Variants in CNTRL observed in about 807,000 individuals in gnomAD.
CNTRL encodes the protein centriolin.
Under a neutral mutation model 303.7 loss-of-function variants are expected in CNTRL, and 233 were observed. That is an observed-to-expected ratio of 0.77 (90% confidence interval 0.69 to 0.86). CNTRL has a LOEUF of 0.86. Among genes scored for constraint, CNTRL ranks in the 40% least tolerant of loss-of-function variants. The pLI is 0.00. For missense variants in CNTRL, 2,524 were observed against 2,650.6 expected (o/e 0.95, Z 1.05); for synonymous variants, 900 against 922.2 (o/e 0.98, Z 0.44).
intron 41 of CNTRL, 63 bp from the exon 42 acceptor site, chr9:121,173,612 C>G: frequency 1.9e-6 from 3 of 1,610,218 alleles, no homozygotes. Flanking sequence ...GAGGGAAAGG[C>G]TGGTTGGCTT....
intron 29 of CNTRL, 21 bp downstream of exon 29, chr9:121,157,901 G>C (rs1228757075): frequency 6.2e-7 from 1 of 1,613,622 alleles, no homozygotes; most frequent in Non-Finnish European, 8.5e-7. Flanking sequence ...CCTCTGTAGG[G>C]CTACAAGGGG....
chr9:121,162,233 A>T lies in CNTRL; in HGVS notation c.5385A>T (p.Lys1795Asn), dbSNP rs1344562022. 6.2e-7 allele frequency: 1 copy of T among 1,614,030 alleles called. No individual in the cohort carries two copies. The highest frequency in any genetic ancestry group is 8.5e-7 in the Non-Finnish European group (1 of 1,180,034). ...LSKEKEDLQE[K>N]CDIWEKKLAQ... ...AAGAAAAGGAAGATCTCCAAGAGAA[A>T]TGTGACATTTGGGAAAAAAAGTTGG... Residue 1795 changes from lysine (K) to asparagine (N), a missense_variant, in exon 34 of 44, where the codon AAA becomes AAT. Transcript: ENST00000373855.
chr9:121,144,212 T>A, intron 20 of CNTRL, 130 bp downstream of exon 20: 1 of 786,594 alleles, frequency 1.3e-6, no homozygotes, highest in Non-Finnish European at 2.0e-6. Flanking sequence ...CTGTTTTTCT[T>A]AAGACCTAAA....
chr9:121,103,641 A>ATC (rs2049299162), intron 7 of CNTRL, among the ~76,000 whole-genome samples: 1 of 152,248 alleles, frequency 6.6e-6, no homozygotes, highest in Admixed American at 6.5e-5. Flanking sequence ...AATTTTTGCA[A>ATC]TGCACCCATC....
chr9:121,168,457 T>C (rs887710742), intron 38 of CNTRL, 136 bp downstream of exon 38: 104 of 676,168 alleles, frequency 1.5e-4, no homozygotes, highest in Non-Finnish European at 1.0e-4. Flanking sequence ...GCAGGAGGTA[T>C]GATAGCCCTG....
intron 12 of CNTRL, among the ~76,000 whole-genome samples, chr9:121,123,037 C>T (rs1447132443): frequency 6.6e-6 from 1 of 152,096 alleles, no homozygotes; most frequent in Admixed American, 6.5e-5. Flanking sequence ...AGTATTTTAT[C>T]TATTTCATAC....
At chr9:121,154,688 C>A (rs1321169222) in intron 26 of CNTRL, 33 bp from the exon 27 acceptor site, 2 of 1,344,722 alleles carry the variant, frequency 1.5e-6, no homozygotes, top group Non-Finnish European at 2.1e-6. Context: ...CTACATTTAA[C>A]ATTTTTTAAT....
In CNTRL at chr9:121,096,571, A is replaced by G; in HGVS notation, c.621+8A>G. ...GGCAACAAGATATCATCGGTAAGTT[A>G]TTCAAAATAGCAGGAATTTTTAGAC... On this transcript the variant is annotated splice_region_variant and intron_variant, in intron 6 of 43. Transcript: ENST00000373855. 1 of 1,423,252 alleles carries G rather than the reference A, an allele frequency of 7.0e-7. No individual in the cohort carries two copies. Among genetic ancestry groups the G allele is most frequent in the Non-Finnish European group, 9.3e-7 (1 of 1,075,776 alleles). The allele number at this position is 1,423,252 out of a possible 1,614,324, so 88.2% of individuals were successfully genotyped here.
chr9:121,152,663 A>G lies in CNTRL; in HGVS notation c.4142A>G (p.His1381Arg). Residue 1381 changes from histidine to arginine, a missense_variant, in exon 26 of 44, where the codon CAT becomes CGT. By Grantham distance (29) the His-to-Arg change is conservative. Transcript: ENST00000373855. ...KSLECEVEEL[H>R]RTVQKRQQQK... is the part of the protein sequence containing the mutation. ...TTAGAGTGTGAAGTAGAAGAATTAC[A>G]TAGAACTGTCCAGAAACGTCAACAG... 6.2e-7 allele frequency: 1 copy of G among 1,613,680 alleles called. No individual in the cohort carries two copies. The highest frequency in any genetic ancestry group is 8.5e-7 in the Non-Finnish European group (1 of 1,179,628).
chr9:121,138,670 A>G lies in CNTRL; in HGVS notation c.2328A>G (p.Lys776=), dbSNP rs1564258375. 1 of 1,613,540 alleles carries G rather than the reference A, an allele frequency of 6.2e-7. No individual in the cohort carries two copies. Residue 776 remains lysine, a synonymous_variant, in exon 16 of 44, where the codon AAA becomes AAG. Coordinates refer to ENST00000373855, the MANE Select transcript of CNTRL (RefSeq NM_007018.6). ...QENSELHAKL[K]HLQDDNNLLK... ...ACAGTGAGCTCCATGCAAAACTTAAACACTTGCAGGTAGAGATTTGTTGTT... is the reference window on the plus strand; with the variant it reads ...ACAGTGAGCTCCATGCAAAACTTAAGCACTTGCAGGTAGAGATTTGTTGTT...
At chr9:121,092,313 G>A (rs2048613277) in intron 4 of CNTRL, among the ~76,000 whole-genome samples, 1 of 143,220 alleles carries the variant, frequency 7.0e-6, no homozygotes, top group Non-Finnish European at 1.5e-5. Context: ...TTACTGCCTG[G>A]TGCTAAATAA....
chr9:121,165,403 C>T (rs1055634196), intron 35 of CNTRL, among the ~76,000 whole-genome samples: 17 of 152,102 alleles, frequency 1.1e-4, no homozygotes, highest in African/African-American at 4.1e-4. Flanking sequence ...CCTCACTCCT[C>T]ATAGATTCCT....
chr9:121,166,261 G>A, intron 36 of CNTRL, 81 bp downstream of exon 36: 1 of 966,188 alleles, frequency 1.0e-6, no homozygotes, highest in Non-Finnish European at 1.6e-6. Context: ...AAATCAAGTA[G>A]GCTGGTTCCT....
intron 14 of CNTRL, among the ~76,000 whole-genome samples, chr9:121,126,345 CAT>C (rs1217003319): frequency 1.3e-5 from 2 of 152,144 alleles, no homozygotes; most frequent in Non-Finnish European, 2.9e-5. Context: ...ACAAAACAGA[CAT>C]ATTGTTTTAA....
In CNTRL at chr9:121,141,507, A is replaced by G; in HGVS notation, c.2610A>G (p.Glu870=). 6.2e-7 allele frequency: 1 copy of G among 1,614,188 alleles called. No individual in the cohort carries two copies. Among genetic ancestry groups the G allele is most frequent in the Non-Finnish European group, 8.5e-7 (1 of 1,180,020 alleles). The stretch of plus-strand genomic sequence containing the variant: ...AAGTTAGAGAGAGAAAACTCCAAGA[A>G]GAAATGGCTCTGCAGCAAGAGAAAC... The part of the protein sequence containing the change: ...EAQVRERKLQ[E]EMALQQEKLA... Residue 870 remains glutamate, a synonymous_variant, in exon 18 of 44, where the codon GAA becomes GAG. Coordinates refer to ENST00000373855, the MANE Select transcript of CNTRL (RefSeq NM_007018.6).
At chr9:121,092,804 T>G (rs1426566209) in intron 4 of CNTRL, among the ~76,000 whole-genome samples, 1 of 45,918 alleles carries the variant, frequency 2.2e-5, no homozygotes, top group African/African-American at 1.1e-4. Context: ...TATATATATC[T>G]ATATATATAT....
intron 2 of CNTRL, among the ~76,000 whole-genome samples, chr9:121,085,347 A>G (rs540711542): frequency 6.6e-6 from 1 of 152,358 alleles, no homozygotes; most frequent in African/African-American, 2.4e-5. Context: ...TGTTCACTGC[A>G]TAGAAATTCA....
chr9:121,150,715 G>A, intron 25 of CNTRL: 2 of 481,520 alleles, frequency 4.2e-6, no homozygotes, highest in South Asian at 7.4e-5. Flanking sequence ...GATTGCTTGA[G>A]CCTAGGAATT....
In CNTRL at chr9:121,118,375, C is replaced by T. The variant is rs1268300163; in HGVS notation, c.1485C>T (p.Tyr495=). ...CAGAAGCAGGGAAAGACCTTCTTTA[C>T]AAGCAGTTGAGTGGTAGACTACAAC... ...KISEAGKDLL[Y]KQLSGRLQLV... The change falls in exon 12 of 44, where the codon TAC becomes TAT. Residue 495 remains tyrosine (Y), a synonymous_variant. Coordinates refer to ENST00000373855, the MANE Select transcript of CNTRL (RefSeq NM_007018.6). 1.9e-6 allele frequency: 3 copies of T among 1,600,158 alleles called. No individual in the cohort carries two copies. The highest frequency in any genetic ancestry group is 1.7e-5 in the Admixed American group (1 of 57,950).
Sources: gnomAD v4.1 joint callset for allele counts (sites outside exome capture counted in the v4.1 genomes callset) on GRCh38, gnomAD v4.1.1 for gene constraint, MANE v1.5 for transcripts, NCBI Gene and HGNC (gene_info 2026-07-23, HGNC 2026-07-21) for gene names.